ZBTB2: variants seen among roughly 807,000 people sequenced by gnomAD.
The protein encoded by ZBTB2 is zinc finger and BTB domain containing 2, also known as zinc finger and BTB domain-containing protein 2.
Under a neutral mutation model 39.5 loss-of-function variants are expected in ZBTB2, and 2 were observed. The ratio of observed to expected loss-of-function variants is 0.05; its 90% CI spans 0.02 to 0.16. The LOEUF is 0.16. Among genes scored for constraint, ZBTB2 ranks in the 10% least tolerant of loss-of-function variants. The pLI is 1.00. For missense variants in ZBTB2, 391 were observed against 653.0 expected (o/e 0.60, Z 4.37); for synonymous variants, 251 against 256.6 (o/e 0.98, Z 0.21).
chr6:151,365,468 G>C lies in ZBTB2; in HGVS notation c.*53C>G. The C allele has an allele frequency of 6.5e-7, 1 of 1,539,182 alleles. No individual in the cohort carries two copies. On this transcript the variant is annotated 3_prime_UTR_variant, in exon 3 of 3. Transcript: ENST00000325144. This position sits in a 1 kb window ranked among gnomAD's most constrained non-coding sequence, Gnocchi z 5.6. ...ACTACAGTTCTGAATTCAGGGAAGG[G>C]AGGGAAGATAGTCTTTGTAAAAATG...
At chr6:151,388,879 C>G (rs1015086906) in intron 1 of ZBTB2, among the ~76,000 whole-genome samples, 2 of 152,154 alleles carry the variant, frequency 1.3e-5, no homozygotes, top group Admixed American at 1.3e-4. Flanking sequence ...TGAAGAGAAG[C>G]TTTAAAACTG....
At chr6:151,367,453 A>C (rs1341101598) in intron 2 of ZBTB2, among the ~76,000 whole-genome samples, 1 of 152,174 alleles carries the variant, frequency 6.6e-6, no homozygotes, top group East Asian at 1.9e-4. Context: ...TTCTATTTTT[A>C]TACAGAACTC....
chr6:151,379,370 G>A (rs1778983370), intron 1 of ZBTB2, among the ~76,000 whole-genome samples: 2 of 152,014 alleles, frequency 1.3e-5, no homozygotes, highest in Non-Finnish European at 2.9e-5. Context: ...GCCAGGTGTG[G>A]TGGCTTATGC....
Position 151,366,475 on chromosome 6 carries a change from G to A in ZBTB2, c.591C>T (p.Pro197=). Residue 197 remains proline, a synonymous_variant, in exon 3 of 3, where the codon CCC becomes CCT. Transcript: ENST00000325144. This position sits in a 1 kb window ranked among gnomAD's most constrained non-coding sequence, Gnocchi z 7.1. Reference sequence around the variant, plus strand: ...GTTCTGGAGACAGCGAGGTCTGCAGGGGGTCTGAGGGAGTCATATTTGTCC... The same window carrying A: ...GTTCTGGAGACAGCGAGGTCTGCAGAGGGTCTGAGGGAGTCATATTTGTCC... ...VNRTNMTPSD[P]LQTSLSPELV... 6.2e-7 allele frequency: 1 copy of A among 1,614,082 alleles called. No individual in the cohort carries two copies. Among genetic ancestry groups the A allele is most frequent in the Non-Finnish European group, 8.5e-7 (1 of 1,180,020 alleles).
intron 1 of ZBTB2, among the ~76,000 whole-genome samples, chr6:151,375,487 T>G (rs1250019434): frequency 6.6e-6 from 1 of 152,182 alleles, no homozygotes; most frequent in East Asian, 1.9e-4. Flanking sequence ...CCCAGCAACA[T>G]TTTTTTGTAG....
intron 2 of ZBTB2, among the ~76,000 whole-genome samples, chr6:151,369,718 A>ATGCGCC (rs1778742467): frequency 6.6e-6 from 1 of 152,142 alleles, no homozygotes; most frequent in African/African-American, 2.4e-5. Flanking sequence ...AATGCCTATA[A>ATGCGCC]TCCCAGCACT....
Position 151,366,425 on chromosome 6 carries a change from G to A in ZBTB2, c.641C>T (p.Pro214Leu), listed in dbSNP as rs1778651669. ...PELVSTPVPPPPPGEETNLEA... is the reference protein window; with the variant it reads ...PELVSTPVPPLPPGEETNLEA... ...CAGATTGGTCTCCTCCCCGGGAGGA[G>A]GGGGAGGAACAGGAGTGGAAACAAG... The change falls in exon 3 of 3, where the codon CCT (proline) becomes CTT (leucine). Residue 214 changes from proline to leucine, a missense_variant. Physicochemically the swap from Pro to Leu is moderately conservative, Grantham distance 98 (BLOSUM62 -3). Around this residue, in one of 7 missense-constraint regions of ZBTB2, gnomAD observed 175 missense variants for 198.6 expected, o/e 0.88. Coordinates refer to ENST00000325144, the MANE Select transcript of ZBTB2 (RefSeq NM_020861.3). The surrounding 1 kb of genome is among the most constrained non-coding windows in gnomAD (Gnocchi z 7.1). The A allele has an allele frequency of 1.9e-6, 3 of 1,614,104 alleles. No individual in the cohort carries two copies. The highest frequency in any genetic ancestry group is 1.3e-5 in the African/African-American group (1 of 75,026).
chr6:151,390,343 C>T (rs1453665009), intron 1 of ZBTB2, among the ~76,000 whole-genome samples: 1 of 121,122 alleles, frequency 8.3e-6, no homozygotes, highest in Non-Finnish European at 1.6e-5. Context: ...CTCGCCGGCC[C>T]CGCCCCCTCC....
rs1301483561 is a variant in ZBTB2 at position 151,378,136 on chromosome 6, C to T, written c.-12-4487G>A. ...TTCTTAATCAGCAGGTGCTGGACTCCCTACTCTCCCTTCCTGCTCTAGGGA... is the reference window on the plus strand; with the variant it reads ...TTCTTAATCAGCAGGTGCTGGACTCTCTACTCTCCCTTCCTGCTCTAGGGA... On this transcript the variant is annotated intron_variant, in intron 1 of 2. Coordinates refer to ENST00000325144, the MANE Select transcript of ZBTB2 (RefSeq NM_020861.3). 9 of 152,184 alleles carry T rather than the reference C, an allele frequency of 5.9e-5. 1 individual carries two copies. The East Asian group carries it at 1.5e-3, about 26-fold the overall frequency. 9.4% of individuals were successfully genotyped at this position (152,184 alleles called of 1,614,324 possible).
At chr6:151,388,492 A>G (rs1221751270) in intron 1 of ZBTB2, among the ~76,000 whole-genome samples, 1 of 152,192 alleles carries the variant, frequency 6.6e-6, no homozygotes, top group African/African-American at 2.4e-5. Flanking sequence ...ACTTGAAATC[A>G]CAGGATTGCA....
chr6:151,382,927 ATT>A (rs202174921), intron 1 of ZBTB2, among the ~76,000 whole-genome samples: 23 of 141,592 alleles, frequency 1.6e-4, no homozygotes, highest in Admixed American at 2.9e-4. Context: ...GTTGTATCTA[ATT>A]TTTTTTTTTT....
intron 2 of ZBTB2, among the ~76,000 whole-genome samples, chr6:151,372,652 T>G (rs1009472637): frequency 6.6e-6 from 1 of 151,960 alleles, no homozygotes; most frequent in Non-Finnish European, 1.5e-5. Context: ...TGAGCAAAGA[T>G]AGAGCTGTTT....
At chr6:151,389,684 G>C (rs999514009) in intron 1 of ZBTB2, among the ~76,000 whole-genome samples, 1 of 152,196 alleles carries the variant, frequency 6.6e-6, no homozygotes, top group African/African-American at 2.4e-5. Context: ...TGATGAAAGA[G>C]CTAATGAACA....
At chr6:151,391,040 G>A (rs1302630711) in intron 1 of ZBTB2, among the ~76,000 whole-genome samples, 2 of 41,336 alleles carry the variant, frequency 4.8e-5, no homozygotes, top group Non-Finnish European at 4.7e-5. Context: ...CCTCCGATCC[G>A]CCGCCCGCCC....
intron 2 of ZBTB2, 140 bp from the exon 3 acceptor site, chr6:151,367,032 G>C (rs1778666319): frequency 3.4e-6 from 3 of 888,634 alleles, no homozygotes; most frequent in Middle Eastern, 6.8e-4. Context: ...CATGAAAATG[G>C]GATGAAATAA....
chr6:151,366,340 G>A lies in ZBTB2; in HGVS notation c.726C>T (p.Ser242=), dbSNP rs765334330. ...GAAAGCTCCCATTCCTCTTCATGAT[G>A]CTTGGCTTGACGTGGGCTATTGTGA... ...ASLTIAHVKP[S]IMKRNGSFPK... The change falls in exon 3 of 3, where the codon AGC becomes AGT. Residue 242 remains serine, a synonymous_variant. Transcript: ENST00000325144. The surrounding 1 kb of genome is among the most constrained non-coding windows in gnomAD (Gnocchi z 7.1). 2 of 1,614,114 alleles carry A rather than the reference G, an allele frequency of 1.2e-6. No individual in the cohort carries two copies. The highest frequency in any genetic ancestry group is 1.7e-6 in the Non-Finnish European group (2 of 1,180,024).
At chr6:151,376,133 A>G (rs1464324167) in intron 1 of ZBTB2, among the ~76,000 whole-genome samples, 1 of 152,236 alleles carries the variant, frequency 6.6e-6, no homozygotes, top group Non-Finnish European at 1.5e-5. Context: ...TCCACAGGCA[A>G]AAAAGAAAAA....
At chr6:151,383,845 G>A (rs1193148391) in intron 1 of ZBTB2, among the ~76,000 whole-genome samples, 1 of 152,192 alleles carries the variant, frequency 6.6e-6, no homozygotes, top group East Asian at 1.9e-4. Context: ...GAACGAGCCA[G>A]TTTATACACC....
At chr6:151,376,719 G>A (rs1002712693) in intron 1 of ZBTB2, among the ~76,000 whole-genome samples, 1 of 152,166 alleles carries the variant, frequency 6.6e-6, no homozygotes, top group African/African-American at 2.4e-5. Context: ...GTGTGGAGAA[G>A]CTGGATCATT....
Sources: allele counts gnomAD v4.1 joint callset (sites outside exome capture counted in the v4.1 genomes callset), GRCh38; gene constraint gnomAD v4.1.1; regional missense constraint gnomAD v4.1.1; non-coding constraint Gnocchi (gnomAD v3.1); transcripts MANE v1.5; gene names NCBI Gene and HGNC (gene_info 2026-07-23, HGNC 2026-07-21).